Variants in ITFG1 observed in about 807,000 individuals in gnomAD.
ITFG1 encodes integrin alpha FG-GAP repeat containing 1, also known as T-cell immunomodulatory protein.
ITFG1 carries 34 observed loss-of-function variants against 81.8 expected under a neutral mutation model. The ratio of observed to expected loss-of-function variants is 0.42; its 90% CI spans 0.32 to 0.55. The LOEUF (loss-of-function observed/expected upper bound fraction) is 0.55, where lower values mean the gene tolerates loss of function less well. Ranked by LOEUF, ITFG1 falls within the 20% of genes least tolerant of loss-of-function variation. The pLI, the probability that ITFG1 is intolerant of heterozygous loss-of-function variation, is 0.17. For missense variants in ITFG1, 672 were observed against 755.4 expected, an observed-to-expected ratio of 0.89 and a Z score of 1.29; for synonymous variants, 285 against 270.6, an observed-to-expected ratio of 1.05 and a Z score of -0.52.
intron 8 of ITFG1, among the ~76,000 whole-genome samples, chr16:47,325,617 C>A (rs538142616): frequency 6.6e-6 from 1 of 152,070 alleles, no homozygotes; most frequent in East Asian, 1.9e-4. Flanking sequence ...ATCAAATAGA[C>A]ACAATAAAAA....
chr16:47,237,773 C>T (rs933171670), intron 13 of ITFG1, among the ~76,000 whole-genome samples, 192 bp downstream of exon 13: 12 of 152,062 alleles, frequency 7.9e-5, no homozygotes, highest in East Asian at 1.9e-4. Context: ...TTCATAAAGA[C>T]GACCGTTCAG....
At chr16:47,333,571 T>TG (rs1322329056) in intron 8 of ITFG1, among the ~76,000 whole-genome samples, 1 of 152,230 alleles carries the variant, frequency 6.6e-6, no homozygotes, top group Admixed American at 6.5e-5. Flanking sequence ...TTTCTTTTAA[T>TG]GAAGTATATA....
At chr16:47,396,024 G>T in intron 6 of ITFG1, 1 of 268,904 alleles carries the variant, frequency 3.7e-6, no homozygotes, top group Non-Finnish European at 5.7e-6. Context: ...GATATCTGAA[G>T]ACCCAATTTA....
intron 6 of ITFG1, among the ~76,000 whole-genome samples, chr16:47,392,981 C>T (rs1236803610): frequency 2.6e-5 from 4 of 152,136 alleles, no homozygotes; most frequent in Non-Finnish European, 5.9e-5. Context: ...TGGCAGGTAA[C>T]TAAAGAAGAG....
At chr16:47,243,195 G>C (rs1965957525) in intron 12 of ITFG1, among the ~76,000 whole-genome samples, 1 of 151,894 alleles carries the variant, frequency 6.6e-6, no homozygotes, top group Admixed American at 6.6e-5. Flanking sequence ...AGTTTAAATT[G>C]CTTCTTTAAC....
intron 14 of ITFG1, among the ~76,000 whole-genome samples, chr16:47,168,545 GTTTTT>G (rs758632507): frequency 6.8e-5 from 8 of 117,680 alleles, no homozygotes; most frequent in Non-Finnish European, 1.4e-4. Context: ...CTAATTAAAA[GTTTTT>G]TTTTTTTTTT....
At chr16:47,378,587 C>T (rs1216026899) in intron 6 of ITFG1, among the ~76,000 whole-genome samples, 2 of 152,178 alleles carry the variant, frequency 1.3e-5, no homozygotes, top group Non-Finnish European at 2.9e-5. Context: ...AATGCTGATT[C>T]TATTTCCATG....
At chr16:47,407,714 G>A (rs1339812535) in intron 6 of ITFG1, among the ~76,000 whole-genome samples, 1 of 152,138 alleles carries the variant, frequency 6.6e-6, no homozygotes, top group Non-Finnish European at 1.5e-5. Context: ...CTTAAGGGTT[G>A]AGGTGGTTTA....
At chr16:47,240,013 T>G (rs1356464535) in intron 12 of ITFG1, among the ~76,000 whole-genome samples, 2 of 151,834 alleles carry the variant, frequency 1.3e-5, no homozygotes, top group Admixed American at 6.6e-5. Context: ...TTATTCAGGC[T>G]AGGCACAGTG....
intron 8 of ITFG1, among the ~76,000 whole-genome samples, chr16:47,334,401 C>T (rs1967676029): frequency 6.6e-6 from 1 of 152,108 alleles, no homozygotes; most frequent in Admixed American, 6.5e-5. Flanking sequence ...GCACTCCAAA[C>T]TGGGTGACAG....
Position 47,354,595 on chromosome 16 carries a change from CAAGT to C in ITFG1, c.802+11189_802+11192del, listed in dbSNP as rs1434072484. ...AAAAGCTTCTGCACATCAAAGGAAACAAGTAAGAGTGATGAGACAACCTAAAAAA... is the reference window on the plus strand; with the variant it reads ...AAAAGCTTCTGCACATCAAAGGAAACAAGAGTGATGAGACAACCTAAAAAA... On this transcript the variant is annotated intron_variant, in intron 8 of 17. Transcript: ENST00000320640. 1.1e-4 allele frequency among the ~76,000 whole-genome samples: 16 copies of C among 152,042 alleles called. No individual in the cohort carries two copies. The East Asian group carries it at 2.9e-3, about 27-fold the overall frequency.
At chr16:47,443,436 G>T (rs1008848956) in intron 5 of ITFG1, among the ~76,000 whole-genome samples, 1 of 152,116 alleles carries the variant, frequency 6.6e-6, no homozygotes, top group Non-Finnish European at 1.5e-5. Context: ...CTGCTATAAA[G>T]ATACATGCAC....
intron 10 of ITFG1, among the ~76,000 whole-genome samples, chr16:47,288,690 G>A (rs990529405): frequency 1.3e-5 from 2 of 152,012 alleles, no homozygotes; most frequent in Admixed American, 1.3e-4. Flanking sequence ...CTTGAGCTCA[G>A]GAGTTCGAGA....
At chr16:47,377,508 A>G (rs1268009827) in intron 6 of ITFG1, among the ~76,000 whole-genome samples, 1 of 152,164 alleles carries the variant, frequency 6.6e-6, no homozygotes, top group Non-Finnish European at 1.5e-5. Context: ...GATTGTTTTC[A>G]GACAGAGCAA....
chr16:47,389,163 G>A (rs748178122), intron 6 of ITFG1, among the ~76,000 whole-genome samples: 22 of 152,076 alleles, frequency 1.4e-4, no homozygotes, highest in Admixed American at 6.6e-4. Flanking sequence ...TGACTGTCCC[G>A]CAACAACCTT....
At chr16:47,185,419 A>AC (rs527600248) in intron 14 of ITFG1, among the ~76,000 whole-genome samples, 3 of 152,254 alleles carry the variant, frequency 2.0e-5, no homozygotes, top group Non-Finnish European at 4.4e-5. Context: ...TGTCTCTCAG[A>AC]CAAAGTGCAA....
At position 47,154,593 on chromosome 16, in the gene ITFG1, A is replaced by C. The variant is rs1286170249; in HGVS notation, c.*1126T>G. ...GATAAACTTTTTTTTTTCAGTCTTA[A>C]AGTCTTTTTAAAGTAACTTTTTGGA... On this transcript the variant is annotated 3_prime_UTR_variant, in exon 18 of 18. Coordinates refer to ENST00000320640, the MANE Select transcript of ITFG1 (RefSeq NM_030790.5). 1 of 152,172 alleles carries C rather than the reference A, an allele frequency of 6.6e-6. No homozygotes were observed. The highest frequency in any genetic ancestry group is 2.4e-5 in the African/African-American group (1 of 41,450). 9.4% of individuals were successfully genotyped at this position (152,172 alleles called of 1,614,324 possible).
At position 47,398,351 on chromosome 16, in the gene ITFG1, A is replaced by G. The variant is rs753820135; in HGVS notation, c.656-22411T>C. On this transcript the variant is annotated intron_variant, in intron 6 of 17. Transcript: ENST00000320640. ...ATTCCTCCTGAAAAAGTGAGCATAAACCATACTGCTAGATTTTGGAAATAT... is the reference window on the plus strand; with the variant it reads ...ATTCCTCCTGAAAAAGTGAGCATAAGCCATACTGCTAGATTTTGGAAATAT... Among the ~76,000 whole-genome samples the G allele has an allele frequency of 3.9e-5, 6 of 152,316 alleles. No individual in the cohort carries two copies. In the East Asian group the frequency reaches 1.2e-3, roughly 29 times the overall value.
intron 14 of ITFG1, among the ~76,000 whole-genome samples, chr16:47,180,471 G>A (rs1596788211): frequency 1.3e-5 from 2 of 150,814 alleles, no homozygotes; most frequent in African/African-American, 4.9e-5. Flanking sequence ...TCGGCTCACT[G>A]CAATCTCCCT....
Sources: allele counts gnomAD v4.1 joint callset (sites outside exome capture counted in the v4.1 genomes callset), GRCh38; gene constraint gnomAD v4.1.1; transcripts MANE v1.5; gene names NCBI Gene and HGNC (gene_info 2026-07-23, HGNC 2026-07-21).